The following LRRC36 variants were observed in gnomAD, a reference collection of about 807,000 sequenced individuals.
The protein encoded by LRRC36 is leucine rich repeat containing 36.
A neutral mutation model predicts 81.1 loss-of-function variants in LRRC36; 62 were observed. The observed-to-expected ratio is 0.76, with a 90% CI of 0.62 to 0.94. The LOEUF is 0.94. Ranked by LOEUF, LRRC36 falls within the 40% of genes least tolerant of loss-of-function variation. LRRC36 has a pLI of 0.00. For missense variants in LRRC36, 761 were observed against 881.7 expected (o/e 0.86, Z 1.73); for synonymous variants, 334 against 348.6 (o/e 0.96, Z 0.47).
At chr16:67,361,786 C>T (rs967542926) in intron 5 of LRRC36, among the ~76,000 whole-genome samples, 7 of 151,526 alleles carry the variant, frequency 4.6e-5, no homozygotes, top group Non-Finnish European at 1.0e-4. Flanking sequence ...ACGCTGGTCT[C>T]GAACTCCTGA....
At chr16:67,364,397 T>A (rs1864670121) in intron 6 of LRRC36, among the ~76,000 whole-genome samples, 3 of 152,180 alleles carry the variant, frequency 2.0e-5, no homozygotes, top group Admixed American at 6.5e-5. Context: ...TTATGAGCAA[T>A]AAAATTGTAG....
Position 67,365,363 on chromosome 16 carries a change from T to G in LRRC36, c.754+8T>G. 14 of 1,612,220 alleles carry G rather than the reference T, an allele frequency of 8.7e-6. No homozygotes were observed. The highest frequency in any genetic ancestry group is 1.2e-5 in the Non-Finnish European group (14 of 1,178,624). ...ACAATCACCAGGAAGATGGTAAATA[T>G]TTTGCTCACTGAGTATTTTTCCCCC... On this transcript the variant is annotated splice_region_variant and intron_variant, in intron 7 of 13. Transcript: ENST00000329956.
intron 4 of LRRC36, among the ~76,000 whole-genome samples, chr16:67,348,936 T>C (rs1221981414): frequency 6.6e-6 from 1 of 152,230 alleles, no homozygotes; most frequent in Non-Finnish European, 1.5e-5. Context: ...ATATGTTTTT[T>C]AGTGCAGCCT....
At chr16:67,340,694 A>G (rs1208301844) in intron 1 of LRRC36, among the ~76,000 whole-genome samples, 4 of 151,598 alleles carry the variant, frequency 2.6e-5, no homozygotes, top group South Asian at 4.2e-4. Context: ...ACTTTTATCT[A>G]CTTCTTCTCA....
chr16:67,369,307 A>T (rs1170338311), intron 8 of LRRC36, among the ~76,000 whole-genome samples: 2 of 152,196 alleles, frequency 1.3e-5, no homozygotes, highest in Admixed American at 1.3e-4. Flanking sequence ...AGAGGGGAAA[A>T]AGCCAAGAGG....
intron 5 of LRRC36, among the ~76,000 whole-genome samples, chr16:67,351,284 G>A (rs576812882): frequency 1.3e-5 from 2 of 152,172 alleles, no homozygotes; most frequent in East Asian, 3.9e-4. Flanking sequence ...TAAAAGCCAA[G>A]CAATAACTTT....
chr16:67,355,382 T>C (rs1480974691), intron 5 of LRRC36, among the ~76,000 whole-genome samples: 1 of 137,940 alleles, frequency 7.2e-6, no homozygotes, highest in Non-Finnish European at 1.6e-5. Context: ...TTTTTTTTTT[T>C]TTTTTTTTTT....
intron 12 of LRRC36, among the ~76,000 whole-genome samples, chr16:67,380,873 C>A (rs1221637872): frequency 2.0e-5 from 3 of 152,160 alleles, no homozygotes; most frequent in Non-Finnish European, 2.9e-5. Context: ...GGCCTCACCT[C>A]AGACCTACTG....
intron 12 of LRRC36, 108 bp downstream of exon 12, chr16:67,378,820 C>T: frequency 8.3e-7 from 1 of 1,211,318 alleles, no homozygotes; most frequent in Non-Finnish European, 1.2e-6. Context: ...CTGCCTTTGG[C>T]CTACTTGGTC....
intron 1 of LRRC36, among the ~76,000 whole-genome samples, chr16:67,339,969 C>A (rs186031821): frequency 1.3e-5 from 2 of 151,836 alleles, no homozygotes; most frequent in South Asian, 2.1e-4. Flanking sequence ...ATGGTGAAAC[C>A]CCGTCTCTAC....
intron 5 of LRRC36, among the ~76,000 whole-genome samples, chr16:67,350,689 C>CT (rs1351996518): frequency 6.6e-6 from 1 of 152,194 alleles, no homozygotes; most frequent in East Asian, 1.9e-4. Context: ...GGATATATTA[C>CT]TGGGGAATGT....
intron 12 of LRRC36, among the ~76,000 whole-genome samples, chr16:67,379,729 G>A (rs2040042398): frequency 6.6e-6 from 1 of 152,040 alleles, no homozygotes; most frequent in Non-Finnish European, 1.5e-5. Context: ...ATAAAACTGT[G>A]TCCTGGTTTT....
At chr16:67,375,809 G>A (rs1021350400) in intron 10 of LRRC36, among the ~76,000 whole-genome samples, 2 of 152,168 alleles carry the variant, frequency 1.3e-5, no homozygotes, top group African/African-American at 4.8e-5. Context: ...CTGTTAGAAT[G>A]TTATGATTTG....
At chr16:67,373,914 G>A (rs2039772407) in intron 9 of LRRC36, among the ~76,000 whole-genome samples, 1 of 152,084 alleles carries the variant, frequency 6.6e-6, no homozygotes, top group African/African-American at 2.4e-5. Context: ...TGGGTTGACT[G>A]AGTCATGAGA....
At chr16:67,363,493 A>G in intron 5 of LRRC36, 97 bp from the exon 6 acceptor site, 1 of 1,269,958 alleles carries the variant, frequency 7.9e-7, no homozygotes, top group Non-Finnish European at 1.1e-6. Context: ...CTAGCACTCA[A>G]TCTTGTGACT....
intron 9 of LRRC36, chr16:67,371,619 C>G: frequency 3.4e-6 from 1 of 290,458 alleles, no homozygotes; most frequent in South Asian, 3.5e-5. Context: ...TGCCTGTAAT[C>G]CCAGCACTTT....
At chr16:67,381,447 G>T (rs1463924822) in intron 12 of LRRC36, among the ~76,000 whole-genome samples, 1 of 152,072 alleles carries the variant, frequency 6.6e-6, no homozygotes, top group East Asian at 1.9e-4. Context: ...ATACTACGTA[G>T]GGAGTGAAGG....
chr16:67,371,597 C>A, intron 9 of LRRC36: 1 of 319,532 alleles, frequency 3.1e-6, no homozygotes, highest in South Asian at 2.8e-5. Flanking sequence ...TCAGGCTGGG[C>A]ACAGTGGCGC....
chr16:67,371,108 C>T lies in LRRC36; in HGVS notation c.1360C>T (p.Pro454Ser). 1.2e-6 allele frequency: 2 copies of T among 1,614,192 alleles called. No homozygotes were observed. Among genetic ancestry groups the T allele is most frequent in the Non-Finnish European group, 1.7e-6 (2 of 1,180,038 alleles). Residue 454 changes from proline (P) to serine (S), a missense_variant, in exon 9 of 14, where the codon CCT (proline) becomes TCT (serine). Pro to Ser is a moderately conservative substitution (Grantham distance 74). This residue lies in a region of LRRC36 where 359 missense variants were observed against 388.4 expected (regional missense o/e 0.92). Coordinates refer to ENST00000329956, the MANE Select transcript of LRRC36 (RefSeq NM_018296.6). Reference protein sequence around the residue: ...TTPLRTLLLSPGTSEHRKIFT... With the variant: ...TTPLRTLLLSSGTSEHRKIFT... ...TCCTCTGCGGACACTGCTGTTGTCT[C>T]CTGGGACTTCAGAACACAGAAAGAT... is the stretch of plus-strand genomic sequence containing the variant.
Sources: gnomAD v4.1 joint callset for allele counts (sites outside exome capture counted in the v4.1 genomes callset) on GRCh38, gnomAD v4.1.1 for gene constraint, gnomAD v4.1.1 regional missense constraint, MANE v1.5 for transcripts, NCBI Gene and HGNC (gene_info 2026-07-23, HGNC 2026-07-21) for gene names.